The following DENND1A variants were observed in gnomAD, a reference collection of about 807,000 sequenced individuals.
DENND1A encodes DENN domain containing 1A.
Under a neutral mutation model 113.7 loss-of-function variants are expected in DENND1A, and 51 were observed. That is an observed-to-expected ratio of 0.45 (90% confidence interval 0.36 to 0.57). The LOEUF is 0.57. Among genes scored for constraint, DENND1A ranks in the 20% least tolerant of loss-of-function variants. The pLI is 0.00. For missense variants in DENND1A, 1,258 were observed against 1,395.9 expected (o/e 0.90, Z 1.57); for synonymous variants, 565 against 570.8 (o/e 0.99, Z 0.14).
In DENND1A at chr9:123,918,226, T is replaced by C. The variant is rs556300849; in HGVS notation, c.17+11663A>G. Among the ~76,000 whole-genome samples the C allele has an allele frequency of 4.2e-3, 632 of 150,172 alleles. 6 individuals are homozygous for C. Among genetic ancestry groups the C allele is most frequent in the Admixed American group, 9.7e-3 (146 of 15,024 alleles). ...TGGACAGGCCGGGCGTGGTGGCTCATGCCTGTAATTCCAGCACTTTGGGAG... is the reference window on the plus strand; with the variant it reads ...TGGACAGGCCGGGCGTGGTGGCTCACGCCTGTAATTCCAGCACTTTGGGAG... On this transcript the variant is annotated intron_variant, in intron 1 of 23. Coordinates refer to ENST00000394215, the MANE Select transcript of DENND1A (RefSeq NM_001352964.2).
intron 5 of DENND1A, among the ~76,000 whole-genome samples, chr9:123,755,756 A>G (rs2070487166): frequency 6.6e-6 from 1 of 152,072 alleles, no homozygotes; most frequent in African/African-American, 2.4e-5. Flanking sequence ...CTTCCTTATG[A>G]TTTTCTTAAT....
chr9:123,905,183 G>A (rs1419529081), intron 1 of DENND1A, among the ~76,000 whole-genome samples: 1 of 151,836 alleles, frequency 6.6e-6, no homozygotes, highest in Non-Finnish European at 1.5e-5. Flanking sequence ...CACCAGGCCT[G>A]CCCTAAAAGA....
At chr9:123,465,519 C>T (rs1360339715) in intron 13 of DENND1A, among the ~76,000 whole-genome samples, 1 of 152,066 alleles carries the variant, frequency 6.6e-6, no homozygotes, top group Non-Finnish European at 1.5e-5. Flanking sequence ...TTATACAATG[C>T]CAACCTACCT....
chr9:123,532,380 C>T (rs997117585), intron 13 of DENND1A, among the ~76,000 whole-genome samples: 1 of 152,340 alleles, frequency 6.6e-6, no homozygotes, highest in African/African-American at 2.4e-5. Context: ...CTGGATCACA[C>T]ACCACGTTCC....
At chr9:123,396,190 T>TG (rs2043130298) in intron 21 of DENND1A, among the ~76,000 whole-genome samples, 1 of 152,130 alleles carries the variant, frequency 6.6e-6, no homozygotes, top group Non-Finnish European at 1.5e-5. Flanking sequence ...GTGCCTACTG[T>TG]GGGCCTTTTC....
intron 1 of DENND1A, among the ~76,000 whole-genome samples, chr9:123,914,703 G>A (rs1246575541): frequency 2.0e-5 from 3 of 151,880 alleles, no homozygotes; most frequent in Non-Finnish European, 4.4e-5. Context: ...GGGAGCCAGC[G>A]TGTCACATAG....
chr9:123,440,262 A>T, intron 19 of DENND1A, 98 bp downstream of exon 19: 1 of 1,357,906 alleles, frequency 7.4e-7, no homozygotes, highest in Non-Finnish European at 9.8e-7. Context: ...TGCCAAAGAG[A>T]ACTGAAATGA....
At chr9:123,610,899 T>C (rs1242261964) in intron 10 of DENND1A, among the ~76,000 whole-genome samples, 1 of 152,224 alleles carries the variant, frequency 6.6e-6, no homozygotes, top group African/African-American at 2.4e-5. Context: ...ATGTATATTT[T>C]TAAATTGCTC....
At chr9:123,922,335 T>C (rs545913163) in intron 1 of DENND1A, among the ~76,000 whole-genome samples, 1 of 152,310 alleles carries the variant, frequency 6.6e-6, no homozygotes, top group Non-Finnish European at 1.5e-5. Context: ...CCTCCCATTT[T>C]TTTCCATGCA....
At chr9:123,514,709 C>A (rs1039769840) in intron 13 of DENND1A, among the ~76,000 whole-genome samples, 2 of 152,136 alleles carry the variant, frequency 1.3e-5, no homozygotes, top group African/African-American at 4.8e-5. Context: ...GAACCCACGG[C>A]CTTCAGTATG....
chr9:123,793,044 G>A (rs1003400417), intron 2 of DENND1A, among the ~76,000 whole-genome samples: 1 of 152,124 alleles, frequency 6.6e-6, no homozygotes, highest in African/African-American at 2.4e-5. Flanking sequence ...GGGAGAAAGG[G>A]GGAGTGAGAG....
intron 19 of DENND1A, among the ~76,000 whole-genome samples, chr9:123,419,538 G>C (rs2045054516): frequency 6.6e-6 from 1 of 152,234 alleles, no homozygotes; most frequent in Non-Finnish European, 1.5e-5. Flanking sequence ...ATTTTTCCTG[G>C]CTAGTAGCCA....
intron 19 of DENND1A, among the ~76,000 whole-genome samples, 170 bp from the exon 20 acceptor site, chr9:123,411,999 T>C (rs1482791112): frequency 6.6e-6 from 1 of 152,098 alleles, no homozygotes; most frequent in Non-Finnish European, 1.5e-5. Flanking sequence ...TCTCCTCTGC[T>C]CATTCTTTCC....
At chr9:123,397,592 G>A (rs192716875) in intron 21 of DENND1A, among the ~76,000 whole-genome samples, 1 of 152,290 alleles carries the variant, frequency 6.6e-6, no homozygotes, top group African/African-American at 2.4e-5. Context: ...AGACAATAGG[G>A]GTTACAGAGA....
rs145711383 is a variant in DENND1A at position 123,460,342 on chromosome 9, C to A, written c.994-2445G>T. 5.7e-3 allele frequency among the ~76,000 whole-genome samples: 864 copies of A among 152,270 alleles called. 4 individuals carry two copies. The highest frequency in any genetic ancestry group is 9.4e-3 in the Non-Finnish European group (639 of 68,020). ...GAAGTTTTGTTCTCACTCTTGGGAC[C>A]AGAGCAGGGCAATTAATTCTCTCTC... On this transcript the variant is annotated intron_variant, in intron 13 of 23. Transcript: ENST00000394215.
chr9:123,389,813 G>A (rs1159944987), intron 21 of DENND1A, among the ~76,000 whole-genome samples: 3 of 152,234 alleles, frequency 2.0e-5, no homozygotes, highest in Admixed American at 2.0e-4. Context: ...CAGGTGAGGG[G>A]CAGAGGGTGC....
intron 15 of DENND1A, among the ~76,000 whole-genome samples, chr9:123,456,364 T>C (rs1258818702): frequency 4.1e-5 from 6 of 146,532 alleles, no homozygotes; most frequent in African/African-American, 1.5e-4. Context: ...GCGATGGGAT[T>C]TGGAAAGAAG....
chr9:123,817,900 G>C (rs1471253241), intron 2 of DENND1A, among the ~76,000 whole-genome samples: 1 of 151,572 alleles, frequency 6.6e-6, no homozygotes, highest in Non-Finnish European at 1.5e-5. Context: ...GGTGGCAGGC[G>C]CCTGTAATCC....
At chr9:123,639,294 C>G (rs1286702024) in intron 9 of DENND1A, among the ~76,000 whole-genome samples, 2 of 151,374 alleles carry the variant, frequency 1.3e-5, no homozygotes, top group African/African-American at 4.9e-5. Flanking sequence ...CAAAAATTAG[C>G]TGGGTGTGGT....
Sources: gnomAD v4.1 joint callset for allele counts (sites outside exome capture counted in the v4.1 genomes callset) on GRCh38, gnomAD v4.1.1 for gene constraint, MANE v1.5 for transcripts, NCBI Gene and HGNC (gene_info 2026-07-23, HGNC 2026-07-21) for gene names.